Variants in ZFAT observed in about 807,000 individuals in gnomAD.
ZFAT encodes the protein zinc finger protein ZFAT.
A neutral mutation model predicts 117.7 loss-of-function variants in ZFAT; 64 were observed. The ratio of observed to expected loss-of-function variants is 0.54; its 90% CI spans 0.44 to 0.67. The LOEUF (loss-of-function observed/expected upper bound fraction) is 0.67. Ranked by LOEUF, ZFAT falls within the 30% of genes least tolerant of loss-of-function variation. The pLI, the probability that ZFAT is intolerant of heterozygous loss-of-function variation, is 0.00. For missense variants in ZFAT, 1,433 were observed against 1,584.5 expected, an observed-to-expected ratio of 0.90 and a Z score of 1.62; for synonymous variants, 679 against 615.0, an observed-to-expected ratio of 1.10 and a Z score of -1.54.
intron 15 of ZFAT, among the ~76,000 whole-genome samples, chr8:134,503,671 A>G (rs991793183): frequency 6.6e-6 from 1 of 152,154 alleles, no homozygotes; most frequent in Non-Finnish European, 1.5e-5. Context: ...ATAGAATTAA[A>G]AAGGTGACCC....
intron 3 of ZFAT, among the ~76,000 whole-genome samples, chr8:134,636,154 G>C (rs2028557): frequency 6.6e-6 from 1 of 151,964 alleles, no homozygotes; most frequent in South Asian, 2.1e-4. Context: ...ACTATGATAG[G>C]GTTTTGCAAA....
At chr8:134,742,186 T>C in the ZFAT span, among the ~76,000 whole-genome samples, 1 of 152,166 alleles carries the variant, frequency 6.6e-6, no homozygotes, top group African/African-American at 2.4e-5. Flanking sequence ...TAATTTTACT[T>C]TAAGTTCTGG....
the ZFAT span, among the ~76,000 whole-genome samples, chr8:134,778,325 C>T: frequency 1.1e-4 from 17 of 152,302 alleles, no homozygotes; most frequent in African/African-American, 3.4e-4. Flanking sequence ...GCTAACTCAG[C>T]GATGACTGCA....
chr8:134,482,408 G>A (rs1817380634), intron 15 of ZFAT, among the ~76,000 whole-genome samples: 2 of 152,176 alleles, frequency 1.3e-5, no homozygotes, highest in Admixed American at 6.5e-5. Flanking sequence ...CTGACAGATT[G>A]AGCCTTTATT....
chr8:134,563,103 G>A (rs1824164641), intron 11 of ZFAT, among the ~76,000 whole-genome samples: 1 of 152,186 alleles, frequency 6.6e-6, no homozygotes, highest in Non-Finnish European at 1.5e-5. Flanking sequence ...CCTATATGCT[G>A]TGAAATGTGA....
At chr8:134,697,629 A>G (rs2131349727) in intron 1 of ZFAT, among the ~76,000 whole-genome samples, 1 of 151,328 alleles carries the variant, frequency 6.6e-6, no homozygotes, top group African/African-American at 2.4e-5. Flanking sequence ...CAGGAGGCTG[A>G]GGCAGGAGAA....
chr8:134,714,534 A>AGACT (rs1814173423), upstream of ZFAT, among the ~76,000 whole-genome samples: 1 of 152,106 alleles, frequency 6.6e-6, no homozygotes, highest in African/African-American at 2.4e-5. Context: ...ATTTCTCAGG[A>AGACT]GACTGCCCGC....
chr8:134,686,781 AG>A (rs1332096431), intron 1 of ZFAT, among the ~76,000 whole-genome samples: 2 of 152,136 alleles, frequency 1.3e-5, no homozygotes, highest in African/African-American at 4.8e-5. Flanking sequence ...AAGCATCATG[AG>A]GGGTACCCAC....
intron 11 of ZFAT, among the ~76,000 whole-genome samples, chr8:134,561,911 C>T (rs1332038789): frequency 6.6e-6 from 1 of 152,048 alleles, no homozygotes; most frequent in Admixed American, 6.6e-5. Context: ...GAATAATGGC[C>T]CTTAAAAAAG....
rs138048839 is a variant in ZFAT at position 134,649,966 on chromosome 8, G to A, written c.196+7595C>T. 1.4e-4 allele frequency among the ~76,000 whole-genome samples: 21 copies of A among 152,172 alleles called. No homozygotes were observed. The East Asian group carries it at 2.9e-3, about 21-fold the overall frequency. ...CATAAGATCTGATGGGTTTATAATCGTCTGGCATTTCCCCTTGTTTGCACT... is the reference window on the plus strand; with the variant it reads ...CATAAGATCTGATGGGTTTATAATCATCTGGCATTTCCCCTTGTTTGCACT... On this transcript the variant is annotated intron_variant, in intron 2 of 15. Transcript: ENST00000377838.
At chr8:134,622,067 C>G (rs1829154661) in intron 3 of ZFAT, among the ~76,000 whole-genome samples, 1 of 152,232 alleles carries the variant, frequency 6.6e-6, no homozygotes, top group Non-Finnish European at 1.5e-5. Flanking sequence ...ACACAGTAGG[C>G]TTTCAGGAAA....
chr8:134,561,967 G>C (rs915284115), intron 11 of ZFAT, among the ~76,000 whole-genome samples: 2 of 152,102 alleles, frequency 1.3e-5, no homozygotes, highest in Non-Finnish European at 2.9e-5. Context: ...ACCTTGCATG[G>C]CAAAAATAAA....
the ZFAT span, among the ~76,000 whole-genome samples, chr8:134,826,603 C>A: frequency 2.0e-5 from 3 of 152,168 alleles, no homozygotes; most frequent in East Asian, 5.8e-4. Flanking sequence ...AAAGACTGTA[C>A]ACCTTACTAC....
rs1241746756 is a variant in ZFAT, at chr8:134,650,284, C to T, written c.196+7277G>A. Reference sequence around the variant, plus strand: ...GGGACTACAGGCCCACGTGCCACCACACCCAGCTAATTTTTGTATTTTTAG... The same window carrying T: ...GGGACTACAGGCCCACGTGCCACCATACCCAGCTAATTTTTGTATTTTTAG... On this transcript the variant is annotated intron_variant, in intron 2 of 15. Transcript: ENST00000377838. 2.6e-5 allele frequency among the ~76,000 whole-genome samples: 4 copies of T among 151,822 alleles called. No individual in the cohort carries two copies. In the East Asian group the frequency reaches 5.8e-4, roughly 22 times the overall value.
rs766549112 is a variant in ZFAT, at chr8:134,601,592, C to T, written c.2127G>A (p.Arg709=). 17 of 1,614,120 alleles carry T rather than the reference C, an allele frequency of 1.1e-5. No individual in the cohort carries two copies. The highest frequency in any genetic ancestry group is 1.4e-5 in the Non-Finnish European group (16 of 1,180,050). Residue 709 remains arginine, a synonymous_variant, in exon 6 of 16, where the codon CGG becomes CGA. Coordinates refer to ENST00000377838, the MANE Select transcript of ZFAT (RefSeq NM_020863.4). The part of the protein sequence containing the change: ...PDSCKAAPEH[R]SGITAFMKVL... Reference sequence around the variant, plus strand: ...CCTTCATGAAAGCGGTGATGCCTGACCGGTGCTCAGGGGCAGCTTTGCAAG... The same window carrying T: ...CCTTCATGAAAGCGGTGATGCCTGATCGGTGCTCAGGGGCAGCTTTGCAAG...
At chr8:134,657,498 G>T in intron 2 of ZFAT, 63 bp downstream of exon 2, 1 of 1,468,644 alleles carries the variant, frequency 6.8e-7, no homozygotes, top group Non-Finnish European at 9.2e-7. Flanking sequence ...CTATGCCCAC[G>T]GAGCAAATCA....
Position 134,661,157 on chromosome 8 carries a change from C to T in ZFAT, c.20-3420G>A, listed in dbSNP as rs553768159. Among the ~76,000 whole-genome samples, 13 of 152,342 alleles carry T rather than the reference C, an allele frequency of 8.5e-5. No homozygotes were observed. The East Asian group carries it at 2.1e-3, about 25-fold the overall frequency. On this transcript the variant is annotated intron_variant, in intron 1 of 15. Coordinates refer to ENST00000377838, the MANE Select transcript of ZFAT (RefSeq NM_020863.4). ...CTTCTCAGCCGAGAGACAACCAGAGCTCAGTGCTGCAGGGCAGTGAAACTC... is the reference window on the plus strand; with the variant it reads ...CTTCTCAGCCGAGAGACAACCAGAGTTCAGTGCTGCAGGGCAGTGAAACTC...
At chr8:134,485,802 G>C (rs927688865) in intron 15 of ZFAT, among the ~76,000 whole-genome samples, 2 of 152,184 alleles carry the variant, frequency 1.3e-5, no homozygotes, top group African/African-American at 4.8e-5. Context: ...ATCCCACAGA[G>C]GTAGCAACAA....
chr8:134,760,129 G>A, the ZFAT span, among the ~76,000 whole-genome samples: 5,565 of 151,576 alleles, frequency 0.037, 221 homozygotes, highest in African/African-American at 0.096. Context: ...TTAGCTGGGC[G>A]CAGTGACGGG....
Sources: allele counts gnomAD v4.1 joint callset (sites outside exome capture counted in the v4.1 genomes callset), GRCh38; gene constraint gnomAD v4.1.1; transcripts MANE v1.5; gene names NCBI Gene and HGNC (gene_info 2026-07-23, HGNC 2026-07-21).